The following PARD3B variants were observed in gnomAD, a reference collection of about 807,000 sequenced individuals.
The protein encoded by PARD3B is partitioning defective 3 homolog B.
In PARD3B, 103 loss-of-function variants were observed where a neutral mutation model predicts 130.2. The observed-to-expected ratio is 0.79, with a 90% CI of 0.67 to 0.93. PARD3B has a LOEUF of 0.93. Among genes scored for constraint, PARD3B ranks in the 40% least tolerant of loss-of-function variants. The pLI is 0.00. For synonymous variants in PARD3B, 583 were observed against 553.2 expected (o/e 1.05, Z -0.76); for missense variants, 1,609 against 1,499.2 (o/e 1.07, Z -1.21).
chr2:205,071,720 C>T (rs973797052), intron 4 of PARD3B, among the ~76,000 whole-genome samples: 4 of 152,052 alleles, frequency 2.6e-5, no homozygotes, highest in African/African-American at 7.2e-5. Flanking sequence ...TAGTGTATCA[C>T]GTATGTGTGT....
chr2:204,943,845 A>G lies in PARD3B; in HGVS notation c.223-21307A>G, dbSNP rs992769026. Among the ~76,000 whole-genome samples, 10 of 152,236 alleles carry G rather than the reference A, an allele frequency of 6.6e-5. No individual in the cohort carries two copies. The highest frequency in any genetic ancestry group is 2.4e-4 in the African/African-American group (10 of 41,464). The stretch of plus-strand genomic sequence containing the variant: ...AGGCAACAAAGTTATATATAACACT[A>G]GAAAACTGAGATTTCAGAGGGGAAA... On this transcript the variant is annotated intron_variant, in intron 2 of 22. Transcript: ENST00000406610. The surrounding 1 kb of genome is among the most constrained non-coding windows in gnomAD (Gnocchi z 4.2).
intron 22 of PARD3B, among the ~76,000 whole-genome samples, chr2:205,557,075 T>C (rs1376872232): frequency 1.3e-5 from 2 of 152,124 alleles, no homozygotes; most frequent in African/African-American, 4.8e-5. Flanking sequence ...GCTCTGTGCA[T>C]CGGCGCATGA....
chr2:205,192,939 G>A (rs2036474069), intron 14 of PARD3B, among the ~76,000 whole-genome samples: 1 of 152,104 alleles, frequency 6.6e-6, no homozygotes, highest in Non-Finnish European at 1.5e-5. Flanking sequence ...GTGTACAGCA[G>A]GATCCCAATT....
At chr2:204,853,252 C>A (rs769644229) in intron 2 of PARD3B, among the ~76,000 whole-genome samples, 1 of 151,770 alleles carries the variant, frequency 6.6e-6, no homozygotes, top group Non-Finnish European at 1.5e-5. Flanking sequence ...TGTGCAATAT[C>A]CATAATAAAG....
chr2:205,490,176 A>G (rs1028964482), intron 20 of PARD3B, among the ~76,000 whole-genome samples: 3 of 152,068 alleles, frequency 2.0e-5, no homozygotes, highest in Admixed American at 1.3e-4. Context: ...GGTTAGTTAC[A>G]TATGTATACA....
intron 18 of PARD3B, among the ~76,000 whole-genome samples, chr2:205,322,963 T>G (rs1377606547): frequency 1.6e-5 from 2 of 124,674 alleles, no homozygotes; most frequent in Non-Finnish European, 3.2e-5. Flanking sequence ...CAGGCTGGAG[T>G]GCAGAGGCAT....
rs778068447 is a variant in PARD3B at position 205,280,912 on chromosome 2, G to T, written c.2186-19618G>T. Among the ~76,000 whole-genome samples the T allele has an allele frequency of 6.6e-6, 1 of 152,160 alleles. No homozygotes were observed. The highest frequency in any genetic ancestry group is 6.5e-5 in the Admixed American group (1 of 15,274). ...GCTGGCTGTTTCAAGATGCTGTGGC[G>T]TATTGATTCCTTTTATTACTAGCAG... On this transcript the variant is annotated intron_variant, in intron 16 of 22. Transcript: ENST00000406610. The surrounding 1 kb of genome is among the most constrained non-coding windows in gnomAD (Gnocchi z 4.7).
chr2:204,916,721 C>A lies in PARD3B; in HGVS notation c.223-48431C>A, dbSNP rs184770228. Among the ~76,000 whole-genome samples the A allele has an allele frequency of 5.5e-3, 842 of 151,852 alleles. 9 individuals carry two copies. The highest frequency in any genetic ancestry group is 0.019 in the African/African-American group (785 of 41,474). On this transcript the variant is annotated intron_variant, in intron 2 of 22. Coordinates refer to ENST00000406610, the MANE Select transcript of PARD3B (RefSeq NM_001302769.2). ...AATTTATCCATTTGTTCATGGAGTTCCCTTAATGAGCAAGAATGCCACATA... is the reference window on the plus strand; with the variant it reads ...AATTTATCCATTTGTTCATGGAGTTACCTTAATGAGCAAGAATGCCACATA...
At chr2:205,050,604 T>C (rs1304636670) in intron 4 of PARD3B, among the ~76,000 whole-genome samples, 2 of 152,024 alleles carry the variant, frequency 1.3e-5, no homozygotes, top group Admixed American at 1.3e-4. Flanking sequence ...CAAAATAACA[T>C]AAAAGATCTC....
At chr2:204,700,689 T>G (rs1194197926) in intron 2 of PARD3B, among the ~76,000 whole-genome samples, 5 of 152,102 alleles carry the variant, frequency 3.3e-5, no homozygotes, top group African/African-American at 1.2e-4. Context: ...ATTATAGTGT[T>G]TGAAGTCTAA....
At chr2:205,542,144 C>CAAAAAAAAAAAAAAAA (rs71032484) in intron 21 of PARD3B, among the ~76,000 whole-genome samples, 2 of 38,068 alleles carry the variant, frequency 5.3e-5, no homozygotes, top group African/African-American at 2.7e-4. Context: ...ACTCCGTCTC[C>CAAAAAAAAAAAAAAAA]AAAAAAAAAA....
chr2:205,477,670 T>A (rs994304764), intron 20 of PARD3B, among the ~76,000 whole-genome samples: 9 of 152,252 alleles, frequency 5.9e-5, no homozygotes, highest in Middle Eastern at 3.4e-3. Flanking sequence ...AGGAAGGAAT[T>A]TGATTTTTAT....
At position 205,263,560 on chromosome 2, in the gene PARD3B, A is replaced by T. The variant is rs1317697969; in HGVS notation, c.2185+17738A>T. 6.6e-6 allele frequency among the ~76,000 whole-genome samples: 1 copy of T among 151,242 alleles called. No individual in the cohort carries two copies. Among genetic ancestry groups the T allele is most frequent in the Non-Finnish European group, 1.5e-5 (1 of 67,690 alleles). On this transcript the variant is annotated intron_variant, in intron 16 of 22. Transcript: ENST00000406610. This position sits in a 1 kb window ranked among gnomAD's most constrained non-coding sequence, Gnocchi z 4.0. The stretch of plus-strand genomic sequence containing the variant: ...AACCTCCGTCTATACCTTACACCAT[A>T]TAAGAAGCTAATCTGACATGGTTCA...
chr2:205,018,430 A>G (rs781437467), intron 3 of PARD3B, among the ~76,000 whole-genome samples: 26 of 152,146 alleles, frequency 1.7e-4, no homozygotes, highest in African/African-American at 6.0e-4. Flanking sequence ...TAGTAGCCCT[A>G]TGACTATAGC....
chr2:205,215,448 T>A lies in PARD3B; in HGVS notation c.2140+22128T>A, dbSNP rs560857977. 2.6e-5 allele frequency among the ~76,000 whole-genome samples: 4 copies of A among 152,192 alleles called. No individual in the cohort carries two copies. In the South Asian group the frequency reaches 8.3e-4, roughly 32 times the overall value. ...AATTAGAAAATACTTGACAAAAGAT[T>A]AACATCCTTAACATATGAAGAGCTC... On this transcript the variant is annotated intron_variant, in intron 15 of 22. Transcript: ENST00000406610.
At chr2:204,902,119 A>G (rs963813852) in intron 2 of PARD3B, among the ~76,000 whole-genome samples, 1 of 152,124 alleles carries the variant, frequency 6.6e-6, no homozygotes, top group Non-Finnish European at 1.5e-5. Flanking sequence ...TTGTCCTTCA[A>G]CTTCAATTCA....
chr2:204,907,074 G>A lies in PARD3B; in HGVS notation c.223-58078G>A, dbSNP rs775298838. On this transcript the variant is annotated intron_variant, in intron 2 of 22. Coordinates refer to ENST00000406610, the MANE Select transcript of PARD3B (RefSeq NM_001302769.2). The surrounding 1 kb of genome is among the most constrained non-coding windows in gnomAD (Gnocchi z 5.7). ...CGGCTCACTGTAACCTCCACCTCCC[G>A]GGTTGTAGCAATTCTCCTGCCTCAG... 3.3e-5 allele frequency among the ~76,000 whole-genome samples: 5 copies of A among 151,808 alleles called. No individual in the cohort carries two copies. The highest frequency in any genetic ancestry group is 5.9e-5 in the Non-Finnish European group (4 of 67,972).
chr2:205,243,578 G>A (rs1243027847), intron 15 of PARD3B, among the ~76,000 whole-genome samples: 3 of 152,176 alleles, frequency 2.0e-5, no homozygotes, highest in African/African-American at 7.2e-5. Context: ...CATTTAGTAA[G>A]CTTGGTCACC....
intron 2 of PARD3B, among the ~76,000 whole-genome samples, chr2:204,778,959 T>C (rs1303588300): frequency 6.6e-6 from 1 of 152,188 alleles, no homozygotes; most frequent in Non-Finnish European, 1.5e-5. Flanking sequence ...CTTTATACTT[T>C]GGGCACTGCC....
Sources: allele counts gnomAD v4.1 joint callset (sites outside exome capture counted in the v4.1 genomes callset), GRCh38; gene constraint gnomAD v4.1.1; non-coding constraint Gnocchi (gnomAD v3.1); transcripts MANE v1.5; gene names NCBI Gene and HGNC (gene_info 2026-07-23, HGNC 2026-07-21).